Variants in IQCF3 observed in about 807,000 individuals in gnomAD.
IQCF3 encodes the protein IQ domain-containing protein F3.
In IQCF3, 7 loss-of-function variants were observed where a neutral mutation model predicts 5.1. That is an observed-to-expected ratio of 1.36 (90% CI 0.78 to 2.56). IQCF3 has a LOEUF of 2.56. Among genes scored for constraint, IQCF3 ranks in the 30% most tolerant of loss-of-function variants. The pLI is 0.00. For missense variants in IQCF3, 189 were observed against 196.5 expected (o/e 0.96, Z 0.23); for synonymous variants, 82 against 72.8 (o/e 1.13, Z -0.64).
At position 51,830,268 on chromosome 3, in the gene IQCF3, G is replaced by T; in HGVS notation, c.67-135G>T. On this transcript the variant is annotated intron_variant, in intron 2 of 2. Coordinates refer to ENST00000440739, the MANE Select transcript of IQCF3 (RefSeq NM_001393887.1). The surrounding 1 kb of genome is among the most constrained non-coding windows in gnomAD (Gnocchi z 4.1). ...TGAGGGTGTCCAGAGCCATGAACAGGACAGAAGTAGAGGACAAACCCCACC... is the reference window on the plus strand; with the variant it reads ...TGAGGGTGTCCAGAGCCATGAACAGTACAGAAGTAGAGGACAAACCCCACC... The T allele has an allele frequency of 1.1e-6, 1 of 879,550 alleles. No individual in the cohort carries two copies. The highest frequency in any genetic ancestry group is 1.7e-6 in the Non-Finnish European group (1 of 578,776). 54.5% of individuals were successfully genotyped at this position (879,550 alleles called of 1,614,324 possible).
intron 2 of IQCF3, 44 bp downstream of exon 2, chr3:51,829,756 T>C: frequency 6.3e-7 from 1 of 1,582,282 alleles, no homozygotes; most frequent in Non-Finnish European, 8.7e-7. Context: ...GATCATTGAC[T>C]CTTTGATCCC....
chr3:51,830,738 A>G lies in IQCF3; in HGVS notation c.402A>G (p.Leu134=), dbSNP rs1164675842. Residue 134 remains leucine, a synonymous_variant, in exon 3 of 3, where the codon TTA becomes TTG. Coordinates refer to ENST00000440739, the MANE Select transcript of IQCF3 (RefSeq NM_001393887.1). The surrounding 1 kb of genome is among the most constrained non-coding windows in gnomAD (Gnocchi z 4.1). ...SSLAFQTDGF[L]QVQYAIPSKQ... ...TTGCCTTCCAGACTGATGGCTTTTT[A>G]CAGGTCCAATATGCAATCCCTTCAA... 1 of 1,612,476 alleles carries G rather than the reference A, an allele frequency of 6.2e-7. No homozygotes were observed. The highest frequency in any genetic ancestry group is 8.5e-7 in the Non-Finnish European group (1 of 1,179,040).
rs919396821 is a variant in IQCF3 at position 51,830,793 on chromosome 3, T to C, written c.457T>C (p.Ser153Pro). Reference protein sequence around the residue: ...KQPEFHIEILSI With the variant: ...KQPEFHIEILPI ...GCCAGAGTTCCACATTGAAATCCTA[T>C]CAATCTGAAAGGCCTGGGGCATGGA... is the stretch of plus-strand genomic sequence containing the variant. Residue 153 changes from serine (S) to proline (P), a missense_variant, in exon 3 of 3, where the codon TCA becomes CCA. Coordinates refer to ENST00000440739, the MANE Select transcript of IQCF3 (RefSeq NM_001393887.1). This position sits in a 1 kb window ranked among gnomAD's most constrained non-coding sequence, Gnocchi z 4.1. 6.3e-7 allele frequency: 1 copy of C among 1,575,104 alleles called. No homozygotes were observed. Among genetic ancestry groups the C allele is most frequent in the Non-Finnish European group, 8.6e-7 (1 of 1,157,602 alleles).
rs1367156313 is a variant in IQCF3 at position 51,830,740 on chromosome 3, A to T, written c.404A>T (p.Gln135Leu). 6 of 1,612,082 alleles carry T rather than the reference A, an allele frequency of 3.7e-6. No individual in the cohort carries two copies. Among genetic ancestry groups the T allele is most frequent in the Non-Finnish European group, 5.1e-6 (6 of 1,178,836 alleles). The stretch of plus-strand genomic sequence containing the variant: ...GCCTTCCAGACTGATGGCTTTTTAC[A>T]GGTCCAATATGCAATCCCTTCAAAG... The part of the protein sequence containing the change: ...SLAFQTDGFL[Q>L]VQYAIPSKQP... Residue 135 changes from glutamine to leucine, a missense_variant, in exon 3 of 3, where the codon CAG (glutamine) becomes CTG (leucine). By Grantham distance (113) the Gln-to-Leu change is moderately radical. Coordinates refer to ENST00000440739, the MANE Select transcript of IQCF3 (RefSeq NM_001393887.1). The surrounding 1 kb of genome is among the most constrained non-coding windows in gnomAD (Gnocchi z 4.1).
Position 51,830,422 on chromosome 3 carries a change from A to G in IQCF3, c.86A>G (p.His29Arg). 1 of 1,549,546 alleles carries G rather than the reference A, an allele frequency of 6.5e-7. No homozygotes were observed. The highest frequency in any genetic ancestry group is 8.7e-7 in the Non-Finnish European group (1 of 1,150,704). The change falls in exon 3 of 3, where the codon CAT becomes CGT. Residue 29 changes from histidine to arginine, a missense_variant. Physicochemically the swap from His to Arg is conservative, Grantham distance 29 (BLOSUM62 0). Transcript: ENST00000440739. The surrounding 1 kb of genome is among the most constrained non-coding windows in gnomAD (Gnocchi z 4.1). Reference protein sequence around the residue: ...RRQKLLLAQLHHRKRVKAAGQ... With the variant: ...RRQKLLLAQLRHRKRVKAAGQ... ...GGCCAGTTGCTTCTTGCACAACTGC[A>G]TCACAGAAAAAGGGTGAAGGCAGCT...
At chr3:51,829,590 G>C in intron 1 of IQCF3, 75 bp from the exon 2 acceptor site, 1 of 1,595,462 alleles carries the variant, frequency 6.3e-7, no homozygotes, top group East Asian at 2.3e-5. Flanking sequence ...AAAGAATGGG[G>C]AACTGGGCCT....
chr3:51,829,797 C>T, intron 2 of IQCF3, 85 bp downstream of exon 2: 1 of 1,324,416 alleles, frequency 7.6e-7, no homozygotes, highest in East Asian at 2.4e-5. Flanking sequence ...CCATCTCTGG[C>T]TCAGCATTGC....
At chr3:51,829,833 C>T in intron 2 of IQCF3, 121 bp downstream of exon 2, 1 of 975,870 alleles carries the variant, frequency 1.0e-6, no homozygotes, top group South Asian at 1.5e-5. Flanking sequence ...AGCCCTCCCT[C>T]TCCTTGGTGA....
upstream of IQCF3, among the ~76,000 whole-genome samples, chr3:51,827,498 T>A (rs932341040): frequency 6.6e-6 from 1 of 152,064 alleles, no homozygotes; most frequent in Non-Finnish European, 1.5e-5. Flanking sequence ...TGTCCTTTTT[T>A]ATTAATTACA....
chr3:51,830,528 G>C lies in IQCF3; in HGVS notation c.192G>C (p.Gln64His), dbSNP rs1698352397. The C allele has an allele frequency of 1.2e-5, 19 of 1,614,052 alleles. No individual in the cohort carries two copies. Among genetic ancestry groups the C allele is most frequent in the Non-Finnish European group, 1.6e-5 (19 of 1,179,896 alleles). ...CTGCCCTCAGGGCCTGGATGATTCA[G>C]TGCTGGTGGAGGACGTTGGTGCAGA... ...LVAALRAWMI[Q>H]CWWRTLVQRR... Residue 64 changes from glutamine to histidine, a missense_variant, in exon 3 of 3, where the codon CAG (glutamine) becomes CAC (histidine). Coordinates refer to ENST00000440739, the MANE Select transcript of IQCF3 (RefSeq NM_001393887.1). The surrounding 1 kb of genome is among the most constrained non-coding windows in gnomAD (Gnocchi z 4.1).
At position 51,830,756 on chromosome 3, in the gene IQCF3, C is replaced by T. The variant is rs371503129; in HGVS notation, c.420C>T (p.Ile140=). The part of the protein sequence containing the change: ...TDGFLQVQYA[I]PSKQPEFHIE... ...GCTTTTTACAGGTCCAATATGCAAT[C>T]CCTTCAAAGCAGCCAGAGTTCCACA... Residue 140 remains isoleucine (I), a synonymous_variant, in exon 3 of 3, where the codon ATC becomes ATT. Transcript: ENST00000440739. The surrounding 1 kb of genome is among the most constrained non-coding windows in gnomAD (Gnocchi z 4.1). The T allele has an allele frequency of 1.2e-6, 2 of 1,600,466 alleles. No homozygotes were observed. Among genetic ancestry groups the T allele is most frequent in the African/African-American group, 2.7e-5 (2 of 74,636 alleles).
At chr3:51,829,869 G>A in intron 2 of IQCF3, 157 bp downstream of exon 2, 1 of 723,842 alleles carries the variant, frequency 1.4e-6, no homozygotes, top group Non-Finnish European at 2.3e-6. Flanking sequence ...GAGATAGACA[G>A]TAAAAGGGGA....
At chr3:51,828,414 GA>G (rs1698318599), upstream of IQCF3, 1 of 152,136 alleles carries the variant, frequency 6.6e-6, no homozygotes. Context: ...AGCTTTTCCT[GA>G]ATCTATTAAG....
upstream of IQCF3, among the ~76,000 whole-genome samples, chr3:51,828,385 G>T (rs141730066): frequency 1.9e-3 from 282 of 152,322 alleles, 2 homozygotes; most frequent in African/African-American, 6.5e-3. Flanking sequence ...AACATGAAGA[G>T]ATGTTGAATT....
In IQCF3 at chr3:51,829,650, A is replaced by C. The variant is rs1287705599; in HGVS notation, c.19-15A>C. On this transcript the variant is annotated splice_polypyrimidine_tract_variant and intron_variant, in intron 1 of 2. Transcript: ENST00000440739. ...TCCTCACCCATGCTCCCCCACACCC[A>C]TATTCCGATTGCAGAAAGGTGGTCC... 2 of 1,613,412 alleles carry C rather than the reference A, an allele frequency of 1.2e-6. No individual in the cohort carries two copies. Among genetic ancestry groups the C allele is most frequent in the South Asian group, 2.2e-5 (2 of 90,668 alleles).
chr3:51,829,738 G>A, intron 2 of IQCF3, 26 bp downstream of exon 2: 2 of 1,589,604 alleles, frequency 1.3e-6, no homozygotes, highest in Non-Finnish European at 1.7e-6. Flanking sequence ...GAGGGTGAGA[G>A]AATTGCAGAT....
At position 51,830,281 on chromosome 3, in the gene IQCF3, G is replaced by A; in HGVS notation, c.67-122G>A. 1 of 1,106,412 alleles carries A rather than the reference G, an allele frequency of 9.0e-7. No individual in the cohort carries two copies. 68.5% of individuals were successfully genotyped at this position (1,106,412 alleles called of 1,614,324 possible). ...AGCCATGAACAGGACAGAAGTAGAG[G>A]ACAAACCCCACCCAGGTCTCCTGGG... is the stretch of plus-strand genomic sequence containing the variant. On this transcript the variant is annotated intron_variant, in intron 2 of 2. Transcript: ENST00000440739. The surrounding 1 kb of genome is among the most constrained non-coding windows in gnomAD (Gnocchi z 4.1).
chr3:51,829,668 G>T lies in IQCF3; in HGVS notation c.22G>T (p.Gly8Cys), dbSNP rs1698337993. Residue 8 changes from glycine to cysteine, a missense_variant, in exon 2 of 3, where the codon GGT becomes TGT. Gly to Cys is a radical substitution (Grantham distance 159, BLOSUM62 -3). Coordinates refer to ENST00000440739, the MANE Select transcript of IQCF3 (RefSeq NM_001393887.1). Reference sequence around the variant, plus strand: ...CACACCCATATTCCGATTGCAGAAAGGTGGTCCAGATGAAGATGCAGTAGA... The same window carrying T: ...CACACCCATATTCCGATTGCAGAAATGTGGTCCAGATGAAGATGCAGTAGA... MGSKCCK[G>C]GPDEDAVERQ... 2 of 1,613,850 alleles carry T rather than the reference G, an allele frequency of 1.2e-6. No individual in the cohort carries two copies. Among genetic ancestry groups the T allele is most frequent in the African/African-American group, 2.7e-5 (2 of 75,060 alleles).
At position 51,829,439 on chromosome 3, in the gene IQCF3, C is replaced by T; in HGVS notation, c.-37C>T. 6.3e-7 allele frequency: 1 copy of T among 1,588,032 alleles called. No individual in the cohort carries two copies. Among genetic ancestry groups the T allele is most frequent in the East Asian group, 2.3e-5 (1 of 43,474 alleles). On this transcript the variant is annotated 5_prime_UTR_variant, in exon 1 of 3. Transcript: ENST00000440739. ...CCTGCCAAGATCAGGAAACAGCAAC[C>T]AGAGGGAGATGATCACCTGAACCAC...
Sources: allele counts gnomAD v4.1 joint callset (sites outside exome capture counted in the v4.1 genomes callset), GRCh38; gene constraint gnomAD v4.1.1; non-coding constraint Gnocchi (gnomAD v3.1); transcripts MANE v1.5; gene names NCBI Gene and HGNC (gene_info 2026-07-23, HGNC 2026-07-21).